The following ZNF792 variants were observed in gnomAD, a reference collection of about 807,000 sequenced individuals.
The protein encoded by ZNF792 is zinc finger protein 792.
ZNF792 carries 14 observed loss-of-function variants against 13.1 expected under a neutral mutation model. That is an observed-to-expected ratio of 1.07 (90% CI 0.71 to 1.67). The LOEUF is 1.67. ZNF792 is among the 40% of genes most tolerant of loss of function. The pLI is 0.00. For missense variants in ZNF792, 740 were observed against 807.9 expected, an observed-to-expected ratio of 0.92 and a Z score of 1.02; for synonymous variants, 257 against 292.0, an observed-to-expected ratio of 0.88 and a Z score of 1.22.
In ZNF792 at chr19:34,958,538, T is replaced by C. The variant is rs148319474; in HGVS notation, c.1317A>G (p.Gln439=). 6.3e-7 allele frequency: 1 copy of C among 1,596,826 alleles called. No homozygotes were observed. Among genetic ancestry groups the C allele is most frequent in the Non-Finnish European group, 8.5e-7 (1 of 1,170,664 alleles). Residue 439 remains glutamine, a synonymous_variant, in exon 4 of 4, where the codon CAA becomes CAG. Coordinates refer to ENST00000404801, the MANE Select transcript of ZNF792 (RefSeq NM_175872.5). ...KFFSHIASLI[Q]HQIVHTGERP... ...GCTCGCCAGTGTGAACTATCTGATGTTGAATGAGGCTGGCAATGTGGCTGA... is the reference window on the plus strand; with the variant it reads ...GCTCGCCAGTGTGAACTATCTGATGCTGAATGAGGCTGGCAATGTGGCTGA...
Position 34,957,573 on chromosome 19 carries a change from C to T in ZNF792, c.*383G>A, listed in dbSNP as rs1292408820. The T allele has an allele frequency of 1.5e-5, 3 of 198,442 alleles. No individual in the cohort carries two copies. Among genetic ancestry groups the T allele is most frequent in the South Asian group, 1.3e-4 (1 of 7,484 alleles). 12.3% of individuals were successfully genotyped at this position (198,442 alleles called of 1,614,324 possible). The stretch of plus-strand genomic sequence containing the variant: ...TGTGTAGAGTAACATGAAGGCTGGA[C>T]AAATCCTTCACAGGCATAACATGAG... On this transcript the variant is annotated 3_prime_UTR_variant, in exon 4 of 4. Transcript: ENST00000404801.
Position 34,957,434 on chromosome 19 carries a change from ACT to A in ZNF792, c.*520_*521del, listed in dbSNP as rs2013448213. On this transcript the variant is annotated 3_prime_UTR_variant, in exon 4 of 4. Transcript: ENST00000404801. The stretch of plus-strand genomic sequence containing the variant: ...GACCCCTTCAGTTTGGTAGATCTTA[ACT>A]CTGCTCTTGAACCACCCCACACAGT... The A allele has an allele frequency of 6.6e-6, 1 of 152,376 alleles. No individual in the cohort carries two copies. The allele number at this position is 152,376 out of a possible 1,614,324, so 9.4% of individuals were successfully genotyped here.
At chr19:34,963,099 G>C (rs999256818) in intron 1 of ZNF792, among the ~76,000 whole-genome samples, 12 of 152,100 alleles carry the variant, frequency 7.9e-5, no homozygotes, top group African/African-American at 2.7e-4. Context: ...TGGCATCCCT[G>C]CTTGCGGCTC....
intron 1 of ZNF792, among the ~76,000 whole-genome samples, chr19:34,962,975 T>C (rs1292284908): frequency 1.3e-5 from 2 of 152,192 alleles, no homozygotes; most frequent in African/African-American, 2.4e-5. Flanking sequence ...TCGGAAAATT[T>C]GGTCAGCTTG....
rs776486492 is a variant in ZNF792 at position 34,960,898 on chromosome 19, G to C, written c.130C>G (p.Leu44Val). 5 of 1,614,060 alleles carry C rather than the reference G, an allele frequency of 3.1e-6. No individual in the cohort carries two copies. Among genetic ancestry groups the C allele is most frequent in the Middle Eastern group, 1.7e-4 (1 of 6,060 alleles). The change falls in exon 2 of 4, where the codon CTG (leucine) becomes GTG (valine). Residue 44 changes from leucine to valine, a missense_variant. By Grantham distance (32) the Leu-to-Val change is conservative. Transcript: ENST00000404801. The stretch of plus-strand genomic sequence containing the variant: ...GAGGCTATAAGTGCAAAGTTTTCCA[G>C]CATCACATCGCAGTACAGGAGTCTC... ...AQRLLYCDVM[L>V]ENFALIASLG...
At chr19:34,961,483 G>C (rs1316593676) in intron 1 of ZNF792, among the ~76,000 whole-genome samples, 1 of 152,078 alleles carries the variant, frequency 6.6e-6, no homozygotes, top group Non-Finnish European at 1.5e-5. Flanking sequence ...ATGGCATCCA[G>C]AGAGTGCCTG....
rs749144316 is a variant in ZNF792 at position 34,958,585 on chromosome 19, A to G, written c.1270T>C (p.Cys424Arg). The G allele has an allele frequency of 6.2e-7, 1 of 1,605,808 alleles. No homozygotes were observed. The highest frequency in any genetic ancestry group is 1.3e-5 in the African/African-American group (1 of 74,610). The change falls in exon 4 of 4, where the codon TGT becomes CGT. Residue 424 changes from cysteine to arginine, a missense_variant. By Grantham distance (180) the Cys-to-Arg change is radical. Coordinates refer to ENST00000404801, the MANE Select transcript of ZNF792 (RefSeq NM_175872.5). Reference sequence around the variant, plus strand: ...CTGAAGAATTTCCCACATTCGTTACACTTGTAAGGTCTTTCTCCAGTGTGA... The same window carrying G: ...CTGAAGAATTTCCCACATTCGTTACGCTTGTAAGGTCTTTCTCCAGTGTGA... ...RVHTGERPYK[C>R]NECGKFFSHI...
At chr19:34,962,589 G>A (rs2151683309) in intron 1 of ZNF792, among the ~76,000 whole-genome samples, 1 of 152,158 alleles carries the variant, frequency 6.6e-6, no homozygotes, top group East Asian at 1.9e-4. Context: ...ATAGCAATCT[G>A]GCTTCCTGTG....
intron 1 of ZNF792, among the ~76,000 whole-genome samples, chr19:34,962,388 C>G (rs993015463): frequency 1.3e-5 from 2 of 152,148 alleles, no homozygotes; most frequent in African/African-American, 4.8e-5. Flanking sequence ...GGCTCCTGTT[C>G]GTAGGTGGGT....
In ZNF792 at chr19:34,959,127, C is replaced by A. The variant is rs151214625; in HGVS notation, c.728G>T (p.Gly243Val). ...TAGTGCAATGTGAAAATCCACCACA[C>A]CTTCGGTGGCCTCGTGCGGCTCCCC... The part of the protein sequence containing the change: ...SDGEPHEATE[G>V]VVDFHIALRH... Residue 243 changes from glycine (G) to valine (V), a missense_variant, in exon 4 of 4, where the codon GGT becomes GTT. Physicochemically the swap from Gly to Val is moderately radical, Grantham distance 109 (BLOSUM62 -3). Coordinates refer to ENST00000404801, the MANE Select transcript of ZNF792 (RefSeq NM_175872.5). 43 of 1,613,852 alleles carry A rather than the reference C, an allele frequency of 2.7e-5. No homozygotes were observed. Among genetic ancestry groups the A allele is most frequent in the Middle Eastern group, 1.6e-4 (1 of 6,062 alleles).
At chr19:34,960,695 G>A (rs950380543) in intron 2 of ZNF792, 173 bp downstream of exon 2, 8 of 995,038 alleles carry the variant, frequency 8.0e-6, no homozygotes, top group African/African-American at 6.5e-5. Flanking sequence ...AGCTCAGGGA[G>A]AGGAGGGAAC....
At position 34,963,685 on chromosome 19, in the gene ZNF792, G is replaced by A; in HGVS notation, c.-23C>T. 1 of 1,579,508 alleles carries A rather than the reference G, an allele frequency of 6.3e-7. No homozygotes were observed. The highest frequency in any genetic ancestry group is 8.6e-7 in the Non-Finnish European group (1 of 1,166,268). On this transcript the variant is annotated 5_prime_UTR_variant, in exon 1 of 4. Coordinates refer to ENST00000404801, the MANE Select transcript of ZNF792 (RefSeq NM_175872.5). ...CATCGGAGTCTGTGGTCAGAGCAGG[G>A]CCCCACGGTGCGGGAAACCACGGGG...
chr19:34,962,149 A>T (rs2013538278), intron 1 of ZNF792, among the ~76,000 whole-genome samples: 1 of 151,998 alleles, frequency 6.6e-6, no homozygotes, highest in Non-Finnish European at 1.5e-5. Flanking sequence ...TGTCACCATG[A>T]CCTGAAGTTT....
chr19:34,959,321 T>C lies in ZNF792; in HGVS notation c.534A>G (p.Lys178=), dbSNP rs1214345592. The C allele has an allele frequency of 6.2e-7, 1 of 1,614,056 alleles. No individual in the cohort carries two copies. Among genetic ancestry groups the C allele is most frequent in the Admixed American group, 1.7e-5 (1 of 60,024 alleles). The part of the protein sequence containing the change: ...GSEFSANLPR[K]QVQQNVHNPI... ...GGTTGTGTACGTTCTGCTGCACCTG[T>C]TTCCGGGGAAGGTTTGCACTGAACT... The change falls in exon 4 of 4, where the codon AAA becomes AAG. Residue 178 remains lysine, a synonymous_variant. Coordinates refer to ENST00000404801, the MANE Select transcript of ZNF792 (RefSeq NM_175872.5).
chr19:34,962,856 C>G (rs1315419135), intron 1 of ZNF792, among the ~76,000 whole-genome samples: 1 of 152,154 alleles, frequency 6.6e-6, no homozygotes, highest in Non-Finnish European at 1.5e-5. Flanking sequence ...AACCTAACTT[C>G]TACTGCTTCC....
intron 2 of ZNF792, 60 bp from the exon 3 acceptor site, chr19:34,960,417 T>C (rs528886642): frequency 1.6e-5 from 25 of 1,587,156 alleles, no homozygotes; most frequent in Non-Finnish European, 2.1e-5. Context: ...TACCCCATGA[T>C]AGACTACAAG....
Position 34,958,426 on chromosome 19 carries a change from G to A in ZNF792, c.1429C>T (p.Pro477Ser). 1 of 1,612,582 alleles carries A rather than the reference G, an allele frequency of 6.2e-7. No homozygotes were observed. The highest frequency in any genetic ancestry group is 8.5e-7 in the Non-Finnish European group (1 of 1,179,180). Residue 477 changes from proline (P) to serine (S), a missense_variant, in exon 4 of 4, where the codon CCT becomes TCT. Transcript: ENST00000404801. ...KHQRVHTGER[P>S]YECNECGKLF... ...TTCCCACATTCATTGCATTCATAAGGCCGCTCACCAGTGTGAACTCGCTGA... is the reference window on the plus strand; with the variant it reads ...TTCCCACATTCATTGCATTCATAAGACCGCTCACCAGTGTGAACTCGCTGA...
Position 34,963,929 on chromosome 19 carries a change from G to A in ZNF792, c.-267C>T, listed in dbSNP as rs1157671641. On this transcript the variant is annotated 5_prime_UTR_variant, in exon 1 of 4. Coordinates refer to ENST00000404801, the MANE Select transcript of ZNF792 (RefSeq NM_175872.5). ...CGGCTGGTGCAAAGGCGCGGAGGGG[G>A]TCCCGGCCTCACTGTCCCCCTCGCG... The A allele has an allele frequency of 2.3e-6, 1 of 432,460 alleles. No individual in the cohort carries two copies. The highest frequency in any genetic ancestry group is 4.1e-6 in the Non-Finnish European group (1 of 244,870). 26.8% of individuals were successfully genotyped at this position (432,460 alleles called of 1,614,324 possible). A position where few individuals can be genotyped will look rare whatever the true frequency, so the allele number is the denominator to read the frequency against.
chr19:34,959,664 C>A (rs1273188198), intron 3 of ZNF792, 93 bp from the exon 4 acceptor site: 2 of 1,357,088 alleles, frequency 1.5e-6, no homozygotes, highest in African/African-American at 1.5e-5. Flanking sequence ...AGAATAAGCC[C>A]ATGGGATTGT....
Sources: gnomAD v4.1 joint callset for allele counts (sites outside exome capture counted in the v4.1 genomes callset) on GRCh38, gnomAD v4.1.1 for gene constraint, MANE v1.5 for transcripts, NCBI Gene and HGNC (gene_info 2026-07-23, HGNC 2026-07-21) for gene names.